NLGN1: variants seen among roughly 807,000 people sequenced by gnomAD.
The protein encoded by NLGN1 is neuroligin 1.
NLGN1 carries 12 observed loss-of-function variants against 65.5 expected under a neutral mutation model. That is an observed-to-expected ratio of 0.18 (90% CI 0.12 to 0.30). NLGN1 has a LOEUF of 0.30. Ranked by LOEUF, NLGN1 falls within the 10% of genes least tolerant of loss-of-function variation. NLGN1 has a pLI of 1.00. For synonymous variants in NLGN1, 350 were observed against 359.5 expected, an observed-to-expected ratio of 0.97 and a Z score of 0.30; for missense variants, 750 against 1,007.1, an observed-to-expected ratio of 0.74 and a Z score of 3.46.
At chr3:174,156,097 C>T (rs1225737079) in intron 4 of NLGN1, among the ~76,000 whole-genome samples, 2 of 151,894 alleles carry the variant, frequency 1.3e-5, no homozygotes, top group African/African-American at 4.8e-5. Flanking sequence ...AGCAGTGGTA[C>T]AGGTCTTGGT....
chr3:173,581,237 A>G (rs997487836), intron 2 of NLGN1, among the ~76,000 whole-genome samples: 2 of 152,022 alleles, frequency 1.3e-5, no homozygotes, highest in East Asian at 1.9e-4. Context: ...GCCTTTTCTA[A>G]TATTTGGTAT....
Position 173,873,331 on chromosome 3 carries a change from C to T in NLGN1, c.646+65499C>T, listed in dbSNP as rs150413462. Among the ~76,000 whole-genome samples, 1,115 of 152,138 alleles carry T rather than the reference C, an allele frequency of 7.3e-3. 20 individuals carry two copies. Among genetic ancestry groups the T allele is most frequent in the African/African-American group, 0.026 (1,063 of 41,502 alleles). On this transcript the variant is annotated intron_variant, in intron 4 of 6. Transcript: ENST00000457714. ...CTCAACTTCCTGACCTGAAGTGATC[C>T]GTCCATCTCAGCCTCCCAAAGTGCT...
At chr3:174,107,138 C>G (rs1392836045) in intron 4 of NLGN1, among the ~76,000 whole-genome samples, 1 of 151,864 alleles carries the variant, frequency 6.6e-6, no homozygotes, top group Non-Finnish European at 1.5e-5. Flanking sequence ...TGCCTTTACC[C>G]GGTTTCACAA....
At chr3:173,645,885 C>A (rs1758171211) in intron 3 of NLGN1, among the ~76,000 whole-genome samples, 1 of 152,168 alleles carries the variant, frequency 6.6e-6, no homozygotes, top group Non-Finnish European at 1.5e-5. Context: ...TTCTCCTCGG[C>A]CCCCACCCAG....
rs1766652092 is a variant in NLGN1 at position 173,698,855 on chromosome 3, G to GCTGT, written c.493+93764_493+93765insCTGT. On this transcript the variant is annotated intron_variant, in intron 3 of 6. Transcript: ENST00000457714. Reference sequence around the variant, plus strand: ...CAATTAGAAAACAGGAATTTTTTTTGTTGTTTGTTTGTTTGTTTGAGATGG... The same window carrying GCTGT: ...CAATTAGAAAACAGGAATTTTTTTTGCTGTTTGTTTGTTTGTTTGTTTGAGATGG... Among the ~76,000 whole-genome samples, 4 of 151,850 alleles carry GCTGT rather than the reference G, an allele frequency of 2.6e-5. No individual in the cohort carries two copies. The South Asian group carries it at 8.3e-4, about 32-fold the overall frequency.
chr3:173,953,604 G>C (rs548911599), intron 4 of NLGN1, among the ~76,000 whole-genome samples: 5 of 152,060 alleles, frequency 3.3e-5, no homozygotes, highest in Non-Finnish European at 7.4e-5. Context: ...ACCCAGGCTA[G>C]AGTGCAGTGG....
chr3:174,008,360 C>T (rs2152436807), intron 4 of NLGN1, among the ~76,000 whole-genome samples: 1 of 132,676 alleles, frequency 7.5e-6, no homozygotes, highest in African/African-American at 2.7e-5. Flanking sequence ...CCCCCCCACC[C>T]CCCGCCCACG....
At chr3:174,247,399 A>G (rs1744000620) in intron 4 of NLGN1, among the ~76,000 whole-genome samples, 1 of 152,134 alleles carries the variant, frequency 6.6e-6, no homozygotes, top group Admixed American at 6.5e-5. Context: ...GGCTGAAGGT[A>G]GTGTGGATGG....
At chr3:173,535,023 C>G (rs1737201621) in intron 2 of NLGN1, among the ~76,000 whole-genome samples, 1 of 152,196 alleles carries the variant, frequency 6.6e-6, no homozygotes, top group Non-Finnish European at 1.5e-5. Context: ...TAATACCACT[C>G]TCCCCCAATC....
At chr3:173,540,802 G>C (rs1738736374) in intron 2 of NLGN1, among the ~76,000 whole-genome samples, 1 of 152,006 alleles carries the variant, frequency 6.6e-6, no homozygotes, top group South Asian at 2.1e-4. Context: ...TAGCTCCTTT[G>C]GTGCATATTT....
At chr3:174,141,525 T>C (rs1407155696) in intron 4 of NLGN1, among the ~76,000 whole-genome samples, 1 of 152,168 alleles carries the variant, frequency 6.6e-6, no homozygotes, top group African/African-American at 2.4e-5. Flanking sequence ...ACAAATGTAA[T>C]TGAAATCTAA....
intron 3 of NLGN1, among the ~76,000 whole-genome samples, chr3:173,629,045 T>C (rs1393649110): frequency 6.6e-6 from 1 of 152,030 alleles, no homozygotes; most frequent in South Asian, 2.1e-4. Context: ...ATTATACAAA[T>C]AAATAGTATT....
At chr3:173,811,141 T>C (rs1020970348) in intron 4 of NLGN1, among the ~76,000 whole-genome samples, 18 of 152,388 alleles carry the variant, frequency 1.2e-4, no homozygotes, top group South Asian at 2.1e-4. Flanking sequence ...ACATAAACTT[T>C]CCATATTTGC....
chr3:173,673,605 A>G (rs1404269341), intron 3 of NLGN1, among the ~76,000 whole-genome samples: 3 of 152,210 alleles, frequency 2.0e-5, no homozygotes, highest in Non-Finnish European at 4.4e-5. Flanking sequence ...CTGTGAGCTC[A>G]GTGGTATTAT....
intron 2 of NLGN1, among the ~76,000 whole-genome samples, chr3:173,555,878 ATTAT>A (rs1335424417): frequency 6.6e-6 from 1 of 152,208 alleles, no homozygotes; most frequent in Non-Finnish European, 1.5e-5. Flanking sequence ...AAAGATTGAC[ATTAT>A]TTATTCCTTG....
At chr3:174,200,937 G>A (rs1734333531) in intron 4 of NLGN1, among the ~76,000 whole-genome samples, 1 of 152,152 alleles carries the variant, frequency 6.6e-6, no homozygotes, top group Non-Finnish European at 1.5e-5. Flanking sequence ...TATAGCCTGG[G>A]GGTAGAAATT....
chr3:174,041,614 T>C (rs1732328311), intron 4 of NLGN1, among the ~76,000 whole-genome samples: 1 of 152,202 alleles, frequency 6.6e-6, no homozygotes, highest in Admixed American at 6.6e-5. Context: ...TTTGGTGTGG[T>C]CAGTCTTTTA....
Position 173,937,617 on chromosome 3 carries a change from A to C in NLGN1, c.646+129785A>C, listed in dbSNP as rs1353806021. On this transcript the variant is annotated intron_variant, in intron 4 of 6. Coordinates refer to ENST00000457714, the Ensembl canonical transcript of NLGN1. ...ATGCAGGAGAAAACATATAATCTGC[A>C]GCTTATCTATGCCATATCCCTTAGT... Among the ~76,000 whole-genome samples, 4 of 152,292 alleles carry C rather than the reference A, an allele frequency of 2.6e-5. 1 individual carries two copies. In the East Asian group the frequency reaches 5.8e-4, roughly 22 times the overall value.
chr3:173,897,159 T>C (rs1736485449), intron 4 of NLGN1, among the ~76,000 whole-genome samples: 2 of 152,210 alleles, frequency 1.3e-5, no homozygotes, highest in African/African-American at 4.8e-5. Flanking sequence ...TTACATATGA[T>C]TAAAATCTTC....
Sources: allele counts gnomAD v4.1 joint callset (sites outside exome capture counted in the v4.1 genomes callset), GRCh38; gene constraint gnomAD v4.1.1; transcripts MANE v1.5; gene names NCBI Gene and HGNC (gene_info 2026-07-23, HGNC 2026-07-21).